The following SPON1 variants were observed in gnomAD, a reference collection of about 807,000 sequenced individuals.
The protein encoded by SPON1 is spondin-1.
Under a neutral mutation model 111.7 loss-of-function variants are expected in SPON1, and 52 were observed. The observed-to-expected ratio is 0.47, with a 90% CI of 0.37 to 0.59. The LOEUF is 0.59. Ranked by LOEUF, SPON1 falls within the 20% of genes least tolerant of loss-of-function variation. The probability of loss-of-function intolerance (pLI) is 0.00; values close to 1 mark genes in which losing one functional copy is unlikely to be tolerated. For missense variants in SPON1, 957 were observed against 1,068.5 expected (o/e 0.90, Z 1.46); for synonymous variants, 410 against 395.8 (o/e 1.04, Z -0.43).
intron 3 of SPON1, among the ~76,000 whole-genome samples, chr11:14,047,647 A>C (rs1848678215): frequency 6.6e-6 from 1 of 152,212 alleles, no homozygotes; most frequent in African/African-American, 2.4e-5. Context: ...AAAGGTTAGC[A>C]GTTACATCTT....
chr11:14,028,052 A>G (rs1303665853), intron 2 of SPON1, among the ~76,000 whole-genome samples: 3 of 152,224 alleles, frequency 2.0e-5, no homozygotes, highest in East Asian at 1.9e-4. Context: ...TCCAGCGGTT[A>G]TTAGCTTTGG....
intron 13 of SPON1, among the ~76,000 whole-genome samples, chr11:14,260,273 T>C (rs1389781556): frequency 6.6e-6 from 1 of 152,158 alleles, no homozygotes; most frequent in Non-Finnish European, 1.5e-5. Flanking sequence ...GTGTGGGATG[T>C]TTCTGTCTCT....
chr11:14,073,640 C>G (rs566580012), intron 3 of SPON1, among the ~76,000 whole-genome samples: 1 of 152,280 alleles, frequency 6.6e-6, no homozygotes, highest in South Asian at 2.1e-4. Flanking sequence ...GTTAGGATGC[C>G]CTATTCTATG....
chr11:14,173,564 G>A (rs553796792), intron 6 of SPON1, among the ~76,000 whole-genome samples: 1 of 152,268 alleles, frequency 6.6e-6, no homozygotes, highest in South Asian at 2.1e-4. Context: ...AGGAGAAGGG[G>A]TGCTCTGATT....
At chr11:14,263,823 G>C (rs1414082424) in intron 15 of SPON1, among the ~76,000 whole-genome samples, 3 of 152,014 alleles carry the variant, frequency 2.0e-5, no homozygotes, top group African/African-American at 7.2e-5. Context: ...GAGGTCAGGA[G>C]TTTGAGACCA....
At chr11:14,025,157 G>A (rs1015389965) in intron 2 of SPON1, among the ~76,000 whole-genome samples, 5 of 152,076 alleles carry the variant, frequency 3.3e-5, no homozygotes, top group African/African-American at 4.8e-5. Flanking sequence ...TCTAGGCACC[G>A]GGAACACAGT....
chr11:14,137,614 T>C (rs1260898515), intron 6 of SPON1, among the ~76,000 whole-genome samples: 1 of 152,200 alleles, frequency 6.6e-6, no homozygotes, highest in Non-Finnish European at 1.5e-5. Flanking sequence ...TAAGTCTGTC[T>C]GGCTCCAAAG....
chr11:14,244,480 T>C (rs1329616138), intron 7 of SPON1, among the ~76,000 whole-genome samples: 2 of 149,238 alleles, frequency 1.3e-5, no homozygotes, highest in African/African-American at 5.0e-5. Flanking sequence ...ATCGCACCAC[T>C]GCACTCCAGC....
chr11:14,055,219 A>G (rs1216245210), intron 3 of SPON1, among the ~76,000 whole-genome samples: 2 of 152,184 alleles, frequency 1.3e-5, no homozygotes, highest in Non-Finnish European at 2.9e-5. Context: ...TTCTTTGTAC[A>G]TTGAGATGAA....
At chr11:14,214,683 T>C (rs1224364780) in intron 6 of SPON1, among the ~76,000 whole-genome samples, 1 of 152,150 alleles carries the variant, frequency 6.6e-6, no homozygotes, top group African/African-American at 2.4e-5. Context: ...TGGGAGGCTG[T>C]GCATTAATTT....
chr11:14,180,202 T>C (rs34064988), intron 6 of SPON1, among the ~76,000 whole-genome samples: 22 of 152,296 alleles, frequency 1.4e-4, no homozygotes, highest in Admixed American at 9.8e-4. Flanking sequence ...CAAACCAAGA[T>C]GAGTTAGTCA....
At chr11:14,136,875 A>G (rs1420002689) in intron 6 of SPON1, among the ~76,000 whole-genome samples, 10 of 152,120 alleles carry the variant, frequency 6.6e-5, no homozygotes, top group African/African-American at 2.4e-4. Context: ...GACTATGGCA[A>G]AGTCATGCAG....
rs11823755 is a variant in SPON1 at position 14,078,367 on chromosome 11, A to G, written c.554-1532A>G. Among the ~76,000 whole-genome samples, 1,198 of 152,194 alleles carry G rather than the reference A, an allele frequency of 7.9e-3. 7 individuals are homozygous for G. Among genetic ancestry groups the G allele is most frequent in the African/African-American group, 0.027 (1,119 of 41,528 alleles). On this transcript the variant is annotated intron_variant, in intron 4 of 15. Transcript: ENST00000576479. Reference sequence around the variant, plus strand: ...CCTTCTTTTGGTTTTTGTAGAGACTATTGCTGCCTCATTTAATAGCCCCTA... The same window carrying G: ...CCTTCTTTTGGTTTTTGTAGAGACTGTTGCTGCCTCATTTAATAGCCCCTA...
intron 7 of SPON1, among the ~76,000 whole-genome samples, chr11:14,247,546 C>T (rs896303833): frequency 2.0e-5 from 3 of 152,092 alleles, no homozygotes; most frequent in African/African-American, 4.8e-5. Context: ...TTCAGAAAAC[C>T]GGAGAGAATT....
rs913003668 is a variant in SPON1, at chr11:14,140,942, C to T, written c.825+5374C>T. Among the ~76,000 whole-genome samples the T allele has an allele frequency of 1.2e-4, 19 of 152,082 alleles. No homozygotes were observed. The East Asian group carries it at 3.1e-3, about 25-fold the overall frequency. ...GAAACAACCTTCCTTGCCATGTTCCCGAATGCTTGATGGAGGGTTTTCTCA... is the reference window on the plus strand; with the variant it reads ...GAAACAACCTTCCTTGCCATGTTCCTGAATGCTTGATGGAGGGTTTTCTCA... On this transcript the variant is annotated intron_variant, in intron 6 of 15. Transcript: ENST00000576479.
chr11:14,211,235 C>T (rs533723600), intron 6 of SPON1, among the ~76,000 whole-genome samples: 8 of 152,250 alleles, frequency 5.3e-5, no homozygotes, highest in African/African-American at 1.9e-4. Context: ...AAAACCCCAT[C>T]GTCTCAGCCC....
At chr11:14,157,856 TC>T in intron 6 of SPON1, among the ~76,000 whole-genome samples, 1 of 152,256 alleles carries the variant, frequency 6.6e-6, no homozygotes, top group South Asian at 2.1e-4. Context: ...TTCATTTGAT[TC>T]TTTTTTTTAG....
intron 2 of SPON1, among the ~76,000 whole-genome samples, chr11:14,034,175 T>A (rs1455526154): frequency 6.6e-6 from 1 of 152,188 alleles, no homozygotes; most frequent in East Asian, 1.9e-4. Flanking sequence ...CCTCTTCATC[T>A]AAAGTAATAC....
chr11:14,264,807 T>G (rs1849244258), intron 15 of SPON1, among the ~76,000 whole-genome samples: 1 of 152,188 alleles, frequency 6.6e-6, no homozygotes, highest in Admixed American at 6.5e-5. Context: ...AATTAATCTC[T>G]GGGGTCAGGG....
Sources: gnomAD v4.1 joint callset for allele counts (sites outside exome capture counted in the v4.1 genomes callset) on GRCh38, gnomAD v4.1.1 for gene constraint, MANE v1.5 for transcripts, NCBI Gene and HGNC (gene_info 2026-07-23, HGNC 2026-07-21) for gene names.